Variants in LRBA observed in about 807,000 individuals in gnomAD.
The protein encoded by LRBA is LPS responsive beige-like anchor protein.
In LRBA, 176 loss-of-function variants were observed where a neutral mutation model predicts 330.0. The observed-to-expected ratio is 0.53, with a 90% confidence interval of 0.47 to 0.60. LRBA has a LOEUF of 0.60. Ranked by LOEUF, LRBA falls within the 20% of genes least tolerant of loss-of-function variation. The pLI is 0.00. For missense variants in LRBA, 3,259 were observed against 3,444.8 expected (o/e 0.95, Z 1.35); for synonymous variants, 1,230 against 1,193.0 (o/e 1.03, Z -0.64).
intron 2 of LRBA, among the ~76,000 whole-genome samples, chr4:150,974,281 AAGG>A (rs1483016390): frequency 3.3e-5 from 5 of 152,196 alleles, no homozygotes; most frequent in Non-Finnish European, 7.3e-5. Flanking sequence ...GCTGGAATTC[AAGG>A]AGAAGAGTAC....
chr4:150,756,284 C>T, intron 35 of LRBA, among the ~76,000 whole-genome samples: 1 of 152,040 alleles, frequency 6.6e-6, no homozygotes. Context: ...GCTTAAAATG[C>T]TCTAAAAAAT....
intron 17 of LRBA, among the ~76,000 whole-genome samples, chr4:150,874,505 C>T (rs566592615): frequency 6.6e-6 from 1 of 152,250 alleles, no homozygotes; most frequent in African/African-American, 2.4e-5. Flanking sequence ...TGTACTCTAC[C>T]CCGTCGCAGG....
chr4:150,530,340 G>A (rs1033907838), intron 40 of LRBA, among the ~76,000 whole-genome samples: 2 of 152,134 alleles, frequency 1.3e-5, no homozygotes, highest in African/African-American at 4.8e-5. Context: ...TAAACACTCA[G>A]ATACTCTGGA....
chr4:150,702,361 G>C (rs1186648840), intron 36 of LRBA, among the ~76,000 whole-genome samples: 3 of 152,074 alleles, frequency 2.0e-5, no homozygotes, highest in Non-Finnish European at 4.4e-5. Flanking sequence ...AACATATAAA[G>C]TCATTAGAAA....
intron 47 of LRBA, among the ~76,000 whole-genome samples, chr4:150,361,066 A>G (rs1372693777): frequency 6.6e-6 from 1 of 152,194 alleles, no homozygotes; most frequent in Non-Finnish European, 1.5e-5. Context: ...TATAGGGGAC[A>G]TAATCTTTGC....
intron 37 of LRBA, among the ~76,000 whole-genome samples, chr4:150,602,127 T>C (rs1774187096): frequency 2.0e-5 from 3 of 152,172 alleles, no homozygotes; most frequent in Admixed American, 2.0e-4. Flanking sequence ...ACAATCCAGT[T>C]ACAACACAAT....
chr4:150,739,712 T>C (rs1302388434), intron 35 of LRBA, among the ~76,000 whole-genome samples: 2 of 152,172 alleles, frequency 1.3e-5, no homozygotes, highest in Non-Finnish European at 2.9e-5. Context: ...AAGAAAGCTG[T>C]CATGTTATGA....
intron 47 of LRBA, among the ~76,000 whole-genome samples, chr4:150,382,058 A>G (rs1742350688): frequency 6.6e-6 from 1 of 152,176 alleles, no homozygotes; most frequent in Non-Finnish European, 1.5e-5. Flanking sequence ...TCTGCATAGT[A>G]GACTCTTACC....
intron 34 of LRBA, among the ~76,000 whole-genome samples, chr4:150,775,856 G>A: frequency 1.4e-5 from 2 of 138,888 alleles, no homozygotes; most frequent in Admixed American, 7.4e-5. Context: ...GGGAGAGGAA[G>A]GACGAGTAAG....
intron 2 of LRBA, among the ~76,000 whole-genome samples, chr4:150,972,232 A>G (rs760862134): frequency 1.3e-5 from 2 of 152,178 alleles, no homozygotes; most frequent in Non-Finnish European, 2.9e-5. Context: ...TAAAAAGTTA[A>G]CAAGGGTTTT....
chr4:150,637,954 T>C (rs1475991779), intron 37 of LRBA, among the ~76,000 whole-genome samples: 1 of 152,176 alleles, frequency 6.6e-6, no homozygotes, highest in African/African-American at 2.4e-5. Flanking sequence ...CATTTATCTT[T>C]TGGGTTCCGA....
intron 2 of LRBA, among the ~76,000 whole-genome samples, chr4:150,954,817 CAAAAAAAAAAA>C (rs34282784): frequency 6.6e-5 from 3 of 45,530 alleles, no homozygotes; most frequent in South Asian, 8.7e-4. Flanking sequence ...ACTCAGAAAT[CAAAAAAAAAAA>C]AAAAAAAAAA....
At chr4:150,267,547 C>CATTTAA (rs1474939430) in intron 56 of LRBA, among the ~76,000 whole-genome samples, 1 of 152,130 alleles carries the variant, frequency 6.6e-6, no homozygotes, top group Non-Finnish European at 1.5e-5. Flanking sequence ...AAATTTTTAG[C>CATTTAA]TGTAAACACA....
intron 17 of LRBA, among the ~76,000 whole-genome samples, chr4:150,877,120 T>C (rs937891300): frequency 1.3e-5 from 2 of 151,584 alleles, no homozygotes; most frequent in South Asian, 2.1e-4. Flanking sequence ...TAGCCAACCA[T>C]GGTGGCGGGC....
At chr4:150,603,984 A>G (rs1042313256) in intron 37 of LRBA, among the ~76,000 whole-genome samples, 3 of 152,204 alleles carry the variant, frequency 2.0e-5, no homozygotes, top group Non-Finnish European at 4.4e-5. Flanking sequence ...GAATTAAACA[A>G]ATGAGAATCA....
intron 2 of LRBA, among the ~76,000 whole-genome samples, chr4:150,971,246 C>G (rs1051774177): frequency 5.3e-5 from 8 of 152,138 alleles, no homozygotes; most frequent in African/African-American, 1.9e-4. Context: ...GGAACTTTTT[C>G]CTTACTTCAA....
At chr4:150,492,746 G>A (rs1421498286) in intron 40 of LRBA, among the ~76,000 whole-genome samples, 1 of 152,080 alleles carries the variant, frequency 6.6e-6, no homozygotes, top group Non-Finnish European at 1.5e-5. Flanking sequence ...GGGACTGTCA[G>A]ATGAGTTCAA....
chr4:150,579,314 A>C (rs1240500427), intron 40 of LRBA: 1 of 456,426 alleles, frequency 2.2e-6, no homozygotes, highest in East Asian at 7.0e-5. Context: ...AGAGGACCGC[A>C]AAGGCGCAGC....
At chr4:150,385,107 A>T (rs1742868041) in intron 47 of LRBA, among the ~76,000 whole-genome samples, 1 of 152,212 alleles carries the variant, frequency 6.6e-6, no homozygotes, top group South Asian at 2.1e-4. Flanking sequence ...AAATAACTCA[A>T]ACTGTGTATT....
Sources: allele counts gnomAD v4.1 joint callset (sites outside exome capture counted in the v4.1 genomes callset), GRCh38; gene constraint gnomAD v4.1.1; transcripts MANE v1.5; gene names NCBI Gene and HGNC (gene_info 2026-07-23, HGNC 2026-07-21).